PIK3R4: variants seen among roughly 807,000 people sequenced by gnomAD.
PIK3R4 encodes the protein phosphoinositide-3-kinase regulatory subunit 4.
PIK3R4 carries 46 observed loss-of-function variants against 136.5 expected under a neutral mutation model. That is an observed-to-expected ratio of 0.34 (90% confidence interval 0.27 to 0.43). The LOEUF is 0.43. PIK3R4 is among the 20% of genes least tolerant of loss of function. The probability of loss-of-function intolerance (pLI) is 1.00; values close to 1 mark genes in which losing one functional copy is unlikely to be tolerated. For synonymous variants in PIK3R4, 557 were observed against 566.7 expected, an observed-to-expected ratio of 0.98 and a Z score of 0.24; for missense variants, 1,331 against 1,649.5, an observed-to-expected ratio of 0.81 and a Z score of 3.35.
intron 13 of PIK3R4, 97 bp from the exon 14 acceptor site, chr3:130,690,751 G>T: frequency 1.4e-6 from 1 of 691,394 alleles, no homozygotes; most frequent in East Asian, 2.8e-5. Flanking sequence ...TTACTTTGGG[G>T]TCCATTTAAT....
At chr3:130,733,262 G>C (rs1192458010) in intron 4 of PIK3R4, among the ~76,000 whole-genome samples, 1 of 152,150 alleles carries the variant, frequency 6.6e-6, no homozygotes, top group Non-Finnish European at 1.5e-5. Flanking sequence ...TAGATCAGAA[G>C]CACATACTTG....
Position 130,680,738 on chromosome 3 carries a change from A to G in PIK3R4, c.3798-17T>C. The stretch of plus-strand genomic sequence containing the variant: ...TCCCAAAACCTAGGAAAGAGGAAAT[A>G]AATGATGACAATCTCTTCAGGACAA... On this transcript the variant is annotated splice_polypyrimidine_tract_variant and intron_variant, in intron 18 of 19. Coordinates refer to ENST00000356763, the MANE Select transcript of PIK3R4 (RefSeq NM_014602.3). The G allele has an allele frequency of 7.0e-7, 1 of 1,438,384 alleles. No homozygotes were observed. The highest frequency in any genetic ancestry group is 9.8e-7 in the Non-Finnish European group (1 of 1,024,272). The allele number at this position is 1,438,384 out of a possible 1,614,324, so 89.1% of individuals were successfully genotyped here.
At chr3:130,679,532 C>T (rs1221555834) in intron 19 of PIK3R4, 47 bp from the exon 20 acceptor site, 1 of 1,375,914 alleles carries the variant, frequency 7.3e-7, no homozygotes, top group African/African-American at 1.4e-5. Context: ...AAAGTCTGTA[C>T]CACATTTTTC....
chr3:130,703,646 G>A (rs962333114), intron 13 of PIK3R4, 77 bp downstream of exon 13: 1 of 1,090,608 alleles, frequency 9.2e-7, no homozygotes, highest in East Asian at 2.4e-5. Flanking sequence ...CAAAACAGTG[G>A]TTATTATAGA....
intron 16 of PIK3R4, among the ~76,000 whole-genome samples, chr3:130,683,440 C>T (rs1305817652): frequency 2.0e-5 from 3 of 152,054 alleles, no homozygotes; most frequent in Non-Finnish European, 2.9e-5. Context: ...ACGAGCAGAT[C>T]AAGAAGTAGG....
intron 6 of PIK3R4, chr3:130,725,904 C>T (rs2066728593): frequency 6.6e-6 from 1 of 151,980 alleles, no homozygotes; most frequent in South Asian, 2.1e-4. Flanking sequence ...TTTACCCTTC[C>T]AACAGGCAAG....
chr3:130,680,216 T>A (rs2066449354), intron 19 of PIK3R4, among the ~76,000 whole-genome samples: 1 of 152,230 alleles, frequency 6.6e-6, no homozygotes, highest in East Asian at 1.9e-4. Context: ...TAAAGGTATA[T>A]TCTCACTTGA....
rs2066716115 is a variant in PIK3R4, at chr3:130,723,637, T to TA, written c.1808-51dup. On this transcript the variant is annotated intron_variant, in intron 6 of 19. Transcript: ENST00000356763. ...TGATTATTCAATACCTAAAAGTACA[T>TA]ATATCATTAAGTAAAGCAATAAAAT... is the stretch of plus-strand genomic sequence containing the variant. 3 of 1,483,374 alleles carry TA rather than the reference T, an allele frequency of 2.0e-6. No homozygotes were observed. The South Asian group carries it at 3.7e-5, about 18-fold the overall frequency. 91.9% of individuals were successfully genotyped at this position (1,483,374 alleles called of 1,614,324 possible).
intron 2 of PIK3R4, among the ~76,000 whole-genome samples, chr3:130,740,883 T>C (rs1542648): frequency 0.98 from 148,888 of 152,336 alleles, 72,773 homozygotes; most frequent in East Asian, 1. Flanking sequence ...CAGGGCAAAA[T>C]GTTAACAATA....
At chr3:130,681,120 G>A (rs941591950) in intron 17 of PIK3R4, 55 bp from the exon 18 acceptor site, 1 of 976,078 alleles carries the variant, frequency 1.0e-6, no homozygotes, top group Non-Finnish European at 1.7e-6. Context: ...TTCCATAAAT[G>A]ATAGTGCTAT....
At position 130,723,439 on chromosome 3, in the gene PIK3R4, A is replaced by C. The variant is rs1376810875; in HGVS notation, c.1956T>G (p.His652Gln). 4 of 1,604,558 alleles carry C rather than the reference A, an allele frequency of 2.5e-6. No homozygotes were observed. Among genetic ancestry groups the C allele is most frequent in the South Asian group, 1.1e-5 (1 of 88,570 alleles). ...CAATATCACTGGCAAATTCGTAAACATGGGGTTTTTGTAGCAGTCCTAACT... is the reference window on the plus strand; with the variant it reads ...CAATATCACTGGCAAATTCGTAAACCTGGGGTTTTTGTAGCAGTCCTAACT... ...MCQLGLLQKP[H>Q]VYEFASDIAP... Residue 652 changes from histidine (H) to glutamine (Q), a missense_variant, in exon 7 of 20, where the codon CAT becomes CAG. Transcript: ENST00000356763.
rs147350320 is a variant in PIK3R4, at chr3:130,690,650, T to C, written c.3103A>G (p.Ile1035Val). 7.0e-4 allele frequency: 1,109 copies of C among 1,585,496 alleles called. 10 individuals are homozygous for C. The East Asian group carries it at 0.02, about 29-fold the overall frequency. Residue 1035 changes from isoleucine (I) to valine (V), a missense_variant, in exon 14 of 20, where the codon ATT becomes GTT. Physicochemically the swap from Ile to Val is conservative, Grantham distance 29. This residue lies in a region of PIK3R4 where 1,180 missense variants were observed against 1,407.0 expected (regional missense o/e 0.84). Transcript: ENST00000356763. ...CCTCCAATTCGGCTGTATGTAAGAATAGATCTGAATGAAAGAAAAATAAAA... is the reference window on the plus strand; with the variant it reads ...CCTCCAATTCGGCTGTATGTAAGAACAGATCTGAATGAAAGAAAAATAAAA... ...MEGKTTTTRSILTYSRIGGRV... is the reference protein window; with the variant it reads ...MEGKTTTTRSVLTYSRIGGRV...
intron 6 of PIK3R4, among the ~76,000 whole-genome samples, chr3:130,727,138 C>T (rs2066736161): frequency 6.6e-6 from 1 of 152,172 alleles, no homozygotes; most frequent in African/African-American, 2.4e-5. Flanking sequence ...CCTGTTGCCA[C>T]ATAGGTTTCT....
chr3:130,685,810 T>C (rs976272482), intron 15 of PIK3R4, among the ~76,000 whole-genome samples: 1 of 152,162 alleles, frequency 6.6e-6, no homozygotes, highest in African/African-American at 2.4e-5. Flanking sequence ...TGAAGATAGC[T>C]GAACCTCAGA....
At chr3:130,713,420 T>C (rs184447693) in intron 9 of PIK3R4, among the ~76,000 whole-genome samples, 1 of 152,212 alleles carries the variant, frequency 6.6e-6, no homozygotes, top group East Asian at 1.9e-4. Context: ...TCAGGGAGTT[T>C]TAGTGATTTT....
At chr3:130,705,121 ACAAC>A (rs1384922746) in intron 12 of PIK3R4, among the ~76,000 whole-genome samples, 1 of 152,114 alleles carries the variant, frequency 6.6e-6, no homozygotes, top group East Asian at 1.9e-4. Flanking sequence ...ATGAGCCACC[ACAAC>A]CAGCCTGTTT....
chr3:130,703,946 T>C, intron 12 of PIK3R4, 58 bp from the exon 13 acceptor site: 2 of 1,118,726 alleles, frequency 1.8e-6, no homozygotes, highest in Non-Finnish European at 2.6e-6. Flanking sequence ...AATGTCCCCA[T>C]CATCCCCTGT....
At chr3:130,729,569 T>TA (rs1046919422) in intron 5 of PIK3R4, among the ~76,000 whole-genome samples, 5 of 152,070 alleles carry the variant, frequency 3.3e-5, no homozygotes, top group Non-Finnish European at 5.9e-5. Flanking sequence ...AGTAATTCCA[T>TA]AAAAAAAGGC....
intron 2 of PIK3R4, among the ~76,000 whole-genome samples, chr3:130,738,769 C>A (rs564657746): frequency 6.7e-6 from 1 of 149,752 alleles, no homozygotes; most frequent in East Asian, 1.9e-4. Flanking sequence ...CTGGCCAAAT[C>A]TGAGACAACT....
Sources: gnomAD v4.1 joint callset for allele counts (sites outside exome capture counted in the v4.1 genomes callset) on GRCh38, gnomAD v4.1.1 for gene constraint, gnomAD v4.1.1 regional missense constraint, MANE v1.5 for transcripts, NCBI Gene and HGNC (gene_info 2026-07-23, HGNC 2026-07-21) for gene names.